PRR16: variants seen among roughly 807,000 people sequenced by gnomAD.
PRR16 encodes proline rich 16, also known as protein Largen.
A neutral mutation model predicts 18.2 loss-of-function variants in PRR16; 6 were observed. That is an observed-to-expected ratio of 0.33 (90% confidence interval 0.18 to 0.65). PRR16 has a LOEUF of 0.65. PRR16 is among the 30% of genes least tolerant of loss of function. PRR16 has a pLI of 0.74. For missense variants in PRR16, 412 were observed against 376.6 expected (o/e 1.09, Z -0.78); for synonymous variants, 151 against 147.8 (o/e 1.02, Z -0.16).
At chr5:120,517,344 C>T (rs966249971) in intron 1 of PRR16, among the ~76,000 whole-genome samples, 1 of 152,132 alleles carries the variant, frequency 6.6e-6, no homozygotes, top group Non-Finnish European at 1.5e-5. Flanking sequence ...TGACCATCCA[C>T]CACAGAGTGA....
intron 1 of PRR16, among the ~76,000 whole-genome samples, chr5:120,580,428 T>C (rs886668745): frequency 2.0e-5 from 3 of 150,554 alleles, no homozygotes; most frequent in Non-Finnish European, 4.4e-5. Context: ...TAATTGAGAG[T>C]TTTTAACATG....
intron 1 of PRR16, among the ~76,000 whole-genome samples, chr5:120,671,975 A>G (rs923855070): frequency 4.6e-5 from 7 of 152,286 alleles, no homozygotes; most frequent in African/African-American, 9.6e-5. Flanking sequence ...TGATTCTTGT[A>G]TGTTTATTGT....
the PRR16 span, among the ~76,000 whole-genome samples, chr5:120,728,373 T>C: frequency 6.6e-6 from 1 of 151,486 alleles, no homozygotes; most frequent in Non-Finnish European, 1.5e-5. Flanking sequence ...ATATTAAACA[T>C]GAGACACAAA....
the PRR16 span, among the ~76,000 whole-genome samples, chr5:120,778,843 T>G: frequency 6.6e-6 from 1 of 152,220 alleles, no homozygotes; most frequent in Admixed American, 6.5e-5. Flanking sequence ...AAGCAGCATT[T>G]GATCGCTTGT....
At chr5:120,674,690 T>C (rs1756735284) in intron 1 of PRR16, among the ~76,000 whole-genome samples, 1 of 152,086 alleles carries the variant, frequency 6.6e-6, no homozygotes, top group Non-Finnish European at 1.5e-5. Flanking sequence ...TTTTTATTCT[T>C]CCATTATTTA....
intron 1 of PRR16, among the ~76,000 whole-genome samples, chr5:120,496,322 A>G (rs1750243930): frequency 6.6e-6 from 1 of 151,894 alleles, no homozygotes; most frequent in Non-Finnish European, 1.5e-5. Flanking sequence ...CCCCAGTGAA[A>G]CCCTCTGGAA....
At chr5:120,767,927 AT>A in the PRR16 span, among the ~76,000 whole-genome samples, 2 of 151,872 alleles carry the variant, frequency 1.3e-5, no homozygotes, top group Non-Finnish European at 2.9e-5. Flanking sequence ...TTATATCACA[AT>A]AAAAGTGTTT....
chr5:120,530,713 G>C (rs537801735), intron 1 of PRR16, among the ~76,000 whole-genome samples: 3 of 152,094 alleles, frequency 2.0e-5, no homozygotes, highest in Non-Finnish European at 4.4e-5. Context: ...AGATATTGGG[G>C]AGATGGGTAA....
At chr5:120,758,131 T>C in the PRR16 span, among the ~76,000 whole-genome samples, 1 of 152,196 alleles carries the variant, frequency 6.6e-6, no homozygotes. Context: ...TATTTGTAAT[T>C]ATGCATTTAG....
At chr5:120,654,998 A>T (rs1580838570) in intron 1 of PRR16, among the ~76,000 whole-genome samples, 1 of 151,984 alleles carries the variant, frequency 6.6e-6, no homozygotes, top group South Asian at 2.1e-4. Context: ...AATGATGCTC[A>T]ATATATACTT....
rs1223844808 is a variant in PRR16 at position 120,569,210 on chromosome 5, G to A, written c.159+104565G>A. 5.9e-5 allele frequency among the ~76,000 whole-genome samples: 9 copies of A among 152,058 alleles called. No individual in the cohort carries two copies. The East Asian group carries it at 1.2e-3, about 20-fold the overall frequency. The stretch of plus-strand genomic sequence containing the variant: ...CTTTTAACCAATTGTTTACTGTATC[G>A]TCTGTAAGTATTAAGCCATGTTTTA... On this transcript the variant is annotated intron_variant, in intron 1 of 1. Transcript: ENST00000407149.
At chr5:120,534,580 C>G (rs375856885) in intron 1 of PRR16, among the ~76,000 whole-genome samples, 1 of 152,050 alleles carries the variant, frequency 6.6e-6, no homozygotes, top group African/African-American at 2.4e-5. Context: ...AATTATGAAT[C>G]TATCTGTACT....
intron 1 of PRR16, among the ~76,000 whole-genome samples, chr5:120,483,845 G>T (rs1554076762): frequency 6.6e-6 from 1 of 152,074 alleles, no homozygotes; most frequent in Non-Finnish European, 1.5e-5. Flanking sequence ...AATACCTACA[G>T]TTGGTGTAAG....
intron 1 of PRR16, among the ~76,000 whole-genome samples, chr5:120,570,991 T>G (rs184237672): frequency 4.3e-4 from 65 of 152,236 alleles, no homozygotes; most frequent in African/African-American, 1.3e-3. Context: ...ATGTAGGATG[T>G]TAGGCCAAGC....
intron 1 of PRR16, among the ~76,000 whole-genome samples, chr5:120,520,153 T>C (rs1751125278): frequency 6.6e-6 from 1 of 152,168 alleles, no homozygotes; most frequent in Non-Finnish European, 1.5e-5. Flanking sequence ...CCCAGCACTT[T>C]GGGAGGCCAA....
intron 1 of PRR16, among the ~76,000 whole-genome samples, chr5:120,653,592 A>C (rs1248858229): frequency 2.0e-5 from 3 of 152,068 alleles, no homozygotes; most frequent in African/African-American, 7.2e-5. Flanking sequence ...GGATATCTGC[A>C]GTCAAGAGCA....
chr5:120,646,324 G>A (rs1755601141), intron 1 of PRR16, among the ~76,000 whole-genome samples: 1 of 151,894 alleles, frequency 6.6e-6, no homozygotes. Flanking sequence ...GACAGGAATA[G>A]TGACAGTCTT....
chr5:120,769,587 A>G, the PRR16 span, among the ~76,000 whole-genome samples: 1 of 151,766 alleles, frequency 6.6e-6, no homozygotes, highest in Non-Finnish European at 1.5e-5. Flanking sequence ...TGTATGTACC[A>G]TATTTTCTTT....
chr5:120,781,808 C>T, the PRR16 span, among the ~76,000 whole-genome samples: 2 of 152,010 alleles, frequency 1.3e-5, no homozygotes, highest in African/African-American at 2.4e-5. Flanking sequence ...TCATTAATAT[C>T]TATAGCTTAT....
Sources: allele counts gnomAD v4.1 joint callset (sites outside exome capture counted in the v4.1 genomes callset), GRCh38; gene constraint gnomAD v4.1.1; transcripts MANE v1.5; gene names NCBI Gene and HGNC (gene_info 2026-07-23, HGNC 2026-07-21).